VAV1: variants seen among roughly 807,000 people sequenced by gnomAD.
The protein encoded by VAV1 is proto-oncogene vav.
Under a neutral mutation model 128.1 loss-of-function variants are expected in VAV1, and 33 were observed. That is an observed-to-expected ratio of 0.26 (90% CI 0.20 to 0.34). The LOEUF is 0.34. Among genes scored for constraint, VAV1 ranks in the 10% least tolerant of loss-of-function variants. The probability of loss-of-function intolerance (pLI) is 1.00; values close to 1 mark genes in which losing one functional copy is unlikely to be tolerated. For missense variants in VAV1, 715 were observed against 1,093.7 expected (o/e 0.65, Z 4.88); for synonymous variants, 394 against 409.8 (o/e 0.96, Z 0.47).
At chr19:6,817,034 G>A (rs1228931471) in intron 1 of VAV1, among the ~76,000 whole-genome samples, 1 of 151,862 alleles carries the variant, frequency 6.6e-6, no homozygotes, top group Non-Finnish European at 1.5e-5. Context: ...ATGTGTAGTA[G>A]GCATCCAAGA....
chr19:6,833,557 A>G lies in VAV1; in HGVS notation c.1640A>G (p.His547Arg), dbSNP rs761989004. The change falls in exon 17 of 27, where the codon CAT becomes CGT. Residue 547 changes from histidine (H) to arginine (R), a missense_variant. His to Arg is a conservative substitution (Grantham distance 29). This residue lies in a region of VAV1 where 407 missense variants were observed against 580.6 expected (regional missense o/e 0.70). Coordinates refer to ENST00000602142, the MANE Select transcript of VAV1 (RefSeq NM_005428.4). The stretch of plus-strand genomic sequence containing the variant: ...ACCTTCTATCAGGGCTACCGCTGCC[A>G]TCGGTGCCGGGCATCTGCACACAAG... ...RGTFYQGYRC[H>R]RCRASAHKEC... is the part of the protein sequence containing the mutation. The G allele has an allele frequency of 6.2e-7, 1 of 1,611,584 alleles. No individual in the cohort carries two copies. Among genetic ancestry groups the G allele is most frequent in the East Asian group, 2.2e-5 (1 of 44,832 alleles).
chr19:6,832,181 G>C lies in VAV1; in HGVS notation c.1489G>C (p.Glu497Gln), dbSNP rs1176105969. 1.2e-6 allele frequency: 2 copies of C among 1,614,122 alleles called. No individual in the cohort carries two copies. Among genetic ancestry groups the C allele is most frequent in the Admixed American group, 1.7e-5 (1 of 60,022 alleles). Residue 497 changes from glutamate (E) to glutamine (Q), a missense_variant, in exon 15 of 27, where the codon GAG (glutamate) becomes CAG (glutamine). By Grantham distance (29) the Glu-to-Gln change is conservative (BLOSUM62 2). Coordinates refer to ENST00000602142, the MANE Select transcript of VAV1 (RefSeq NM_005428.4). ...KTRELKKKWMEQFEMAISNIY... is the reference protein window; with the variant it reads ...KTRELKKKWMQQFEMAISNIY... Reference sequence around the variant, plus strand: ...AAGAGAATTGAAGAAGAAGTGGATGGAGCAGTTTGAGATGGCCATGTGAGT... The same window carrying C: ...AAGAGAATTGAAGAAGAAGTGGATGCAGCAGTTTGAGATGGCCATGTGAGT...
intron 13 of VAV1, 128 bp downstream of exon 13, chr19:6,829,028 C>G (rs1971988810): frequency 1.9e-6 from 2 of 1,078,902 alleles, no homozygotes; most frequent in South Asian, 2.9e-5. Context: ...GGCCGGGCTT[C>G]TAGATGGACA....
rs1021382052 is a variant in VAV1, at chr19:6,837,043, A to G, written c.1973A>G (p.Tyr658Cys). The G allele has an allele frequency of 1.2e-6, 2 of 1,613,970 alleles. No individual in the cohort carries two copies. The highest frequency in any genetic ancestry group is 1.7e-5 in the Admixed American group (1 of 59,988). The change falls in exon 21 of 27, where the codon TAT (tyrosine) becomes TGT (cysteine). Residue 658 changes from tyrosine (Y) to cysteine (C), a missense_variant. By Grantham distance (194) the Tyr-to-Cys change is radical. This residue lies in a region of VAV1 where 407 missense variants were observed against 580.6 expected (regional missense o/e 0.70). Coordinates refer to ENST00000602142, the MANE Select transcript of VAV1 (RefSeq NM_005428.4). ...TTTCCTTGTAACAGGGTGAAGCCCT[A>G]TGTCCATGTGAGTGCCTCAAGTCTG... ...GWFPCNRVKP[Y>C]VHGPPQDLSV...
rs1189499025 is a variant in VAV1, at chr19:6,848,035, A to G, written c.2050A>G (p.Ile684Val). Reference protein sequence around the residue: ...GPMERAGAESILANRSDGTFL... With the variant: ...GPMERAGAESVLANRSDGTFL... Reference sequence around the variant, plus strand: ...CATGGAGCGGGCAGGGGCAGAGAGCATCCTGGCCAACCGCTCGGACGGGAC... The same window carrying G: ...CATGGAGCGGGCAGGGGCAGAGAGCGTCCTGGCCAACCGCTCGGACGGGAC... The change falls in exon 23 of 27, where the codon ATC becomes GTC. Residue 684 changes from isoleucine (I) to valine (V), a missense_variant. Physicochemically the swap from Ile to Val is conservative, Grantham distance 29. Coordinates refer to ENST00000602142, the MANE Select transcript of VAV1 (RefSeq NM_005428.4). 10 of 1,536,490 alleles carry G rather than the reference A, an allele frequency of 6.5e-6. No homozygotes were observed. In the African/African-American group the frequency reaches 1.4e-4, roughly 22 times the overall value.
rs146639456 is a variant in VAV1, at chr19:6,781,972, G to T, written c.204+8961G>T. ...TATTTGCTAGCTTTGTGGTCTTGGA[G>T]AAAAAAATAATTACTTAACCTATTG... On this transcript the variant is annotated intron_variant, in intron 1 of 26. Coordinates refer to ENST00000602142, the MANE Select transcript of VAV1 (RefSeq NM_005428.4). Among the ~76,000 whole-genome samples the T allele has an allele frequency of 3.3e-3, 506 of 152,128 alleles. 3 individuals carry two copies. Among genetic ancestry groups the T allele is most frequent in the African/African-American group, 0.011 (445 of 41,524 alleles).
At chr19:6,856,896 G>C (rs1448320038) in intron 26 of VAV1, among the ~76,000 whole-genome samples, 158 bp from the exon 27 acceptor site, 1 of 151,856 alleles carries the variant, frequency 6.6e-6, no homozygotes, top group Admixed American at 6.6e-5. Context: ...GTGTGTGTGT[G>C]GTCAGCCTTG....
At chr19:6,812,608 G>A (rs1043583741) in intron 1 of VAV1, among the ~76,000 whole-genome samples, 4 of 152,234 alleles carry the variant, frequency 2.6e-5, no homozygotes, top group East Asian at 3.9e-4. Context: ...CCAAGATCAC[G>A]CCACTGCACT....
chr19:6,781,584 G>C (rs139696954), intron 1 of VAV1, among the ~76,000 whole-genome samples: 167 of 151,434 alleles, frequency 1.1e-3, no homozygotes, highest in African/African-American at 3.9e-3. Context: ...GCACTTTCTA[G>C]AACTACTGAC....
chr19:6,854,007 G>A lies in VAV1; in HGVS notation c.2393G>A (p.Arg798Gln). The change falls in exon 26 of 27, where the codon CGA (arginine) becomes CAA (glutamine). Residue 798 changes from arginine (R) to glutamine (Q), a missense_variant. Physicochemically the swap from Arg to Gln is conservative, Grantham distance 43. Transcript: ENST00000602142. ...KARYDFCARD[R>Q]SELSLKEGDI... ...CGCTATGACTTCTGCGCCCGAGACC[G>A]ATCAGAGCTGTCGCTCAAGGAGGGT... 5 of 1,613,826 alleles carry A rather than the reference G, an allele frequency of 3.1e-6. No homozygotes were observed. Among genetic ancestry groups the A allele is most frequent in the Non-Finnish European group, 4.2e-6 (5 of 1,180,038 alleles).
At chr19:6,774,452 TA>T (rs1385249649) in intron 1 of VAV1, among the ~76,000 whole-genome samples, 1 of 118,360 alleles carries the variant, frequency 8.4e-6, no homozygotes. Flanking sequence ...TTTTTTTTTT[TA>T]AAGACAGGGT....
intron 21 of VAV1, among the ~76,000 whole-genome samples, chr19:6,842,184 C>G (rs192700175): frequency 6.6e-6 from 1 of 152,102 alleles, no homozygotes; most frequent in East Asian, 1.9e-4. Flanking sequence ...GAGCCAAGAT[C>G]GCGCCATTGC....
chr19:6,835,222 CA>C (rs1972192446), intron 19 of VAV1, among the ~76,000 whole-genome samples: 2 of 149,340 alleles, frequency 1.3e-5, no homozygotes, highest in Non-Finnish European at 3.0e-5. Flanking sequence ...CATACACACA[CA>C]CACACACACA....
At chr19:6,810,637 G>A (rs149144422) in intron 1 of VAV1, among the ~76,000 whole-genome samples, 11,888 of 152,094 alleles carry the variant, frequency 0.078, 1,238 homozygotes, top group African/African-American at 0.24. Context: ...CCCAGGAGGC[G>A]GAGGTTGCAG....
chr19:6,847,893 C>T, intron 22 of VAV1, 105 bp from the exon 23 acceptor site: 3 of 1,071,044 alleles, frequency 2.8e-6, no homozygotes, highest in Non-Finnish European at 2.5e-6. Flanking sequence ...CTGTCACCAA[C>T]TTAAAAAATC....
At chr19:6,816,731 G>A (rs143826969) in intron 1 of VAV1, among the ~76,000 whole-genome samples, 1 of 152,036 alleles carries the variant, frequency 6.6e-6, no homozygotes, top group African/African-American at 2.4e-5. Flanking sequence ...TTGGGAGGCC[G>A]AGGCAGGTGC....
At chr19:6,808,336 C>T (rs1242472590) in intron 1 of VAV1, among the ~76,000 whole-genome samples, 1 of 151,868 alleles carries the variant, frequency 6.6e-6, no homozygotes, top group East Asian at 1.9e-4. Context: ...CAAAAAAACC[C>T]CAACCAATTC....
chr19:6,852,874 C>T (rs1972702380), intron 24 of VAV1, 91 bp from the exon 25 acceptor site: 1 of 985,456 alleles, frequency 1.0e-6, no homozygotes. Context: ...GGGCCTGCTT[C>T]ATGTGAGGAG....
rs576805975 is a variant in VAV1 at position 6,821,675 on chromosome 19, G to T, written c.375G>T (p.Gly125=). The T allele has an allele frequency of 4.3e-6, 7 of 1,614,150 alleles. No homozygotes were observed. In the African/African-American group the frequency reaches 6.7e-5, roughly 15 times the overall value. ...GGACCCCGATCGCCCAGAACAGGGG[G>T]ATCATGTGAGTAACCACCTGGGCCT... ...LSWTPIAQNR[G]IMPFPTEEES... The change falls in exon 3 of 27, where the codon GGG becomes GGT. Residue 125 remains glycine, a synonymous_variant. Transcript: ENST00000602142.
Sources: allele counts gnomAD v4.1 joint callset (sites outside exome capture counted in the v4.1 genomes callset), GRCh38; gene constraint gnomAD v4.1.1; regional missense constraint gnomAD v4.1.1; transcripts MANE v1.5; gene names NCBI Gene and HGNC (gene_info 2026-07-23, HGNC 2026-07-21).